The following CDK14 variants were observed in gnomAD, a reference collection of about 807,000 sequenced individuals.
CDK14 encodes the protein cyclin dependent kinase 14.
A neutral mutation model predicts 60.7 loss-of-function variants in CDK14; 34 were observed. That is an observed-to-expected ratio of 0.56 (90% confidence interval 0.43 to 0.75). CDK14 has a LOEUF of 0.75. Among genes scored for constraint, CDK14 ranks in the 30% least tolerant of loss-of-function variants. The pLI is 0.00. For missense variants in CDK14, 482 were observed against 564.1 expected (o/e 0.85, Z 1.47); for synonymous variants, 197 against 203.7 (o/e 0.97, Z 0.28).
intron 7 of CDK14, among the ~76,000 whole-genome samples, chr7:90,899,838 G>C (rs1792446092): frequency 1.3e-5 from 2 of 152,014 alleles, no homozygotes; most frequent in African/African-American, 4.8e-5. Flanking sequence ...TTACTACCGA[G>C]TATCAAAAGA....
At chr7:90,742,095 T>A (rs1803370833) in intron 3 of CDK14, among the ~76,000 whole-genome samples, 1 of 152,078 alleles carries the variant, frequency 6.6e-6, no homozygotes, top group Non-Finnish European at 1.5e-5. Flanking sequence ...ATACTTGGCC[T>A]TTTGTTTAAT....
At chr7:90,669,575 CAA>C (rs1491037739) in intron 2 of CDK14, among the ~76,000 whole-genome samples, 1 of 95,658 alleles carries the variant, frequency 1.0e-5, no homozygotes, top group African/African-American at 4.0e-5. Flanking sequence ...TTTATAGAAC[CAA>C]CATGAAGAAA....
At chr7:91,115,364 A>T (rs897180283) in intron 13 of CDK14, among the ~76,000 whole-genome samples, 1 of 152,168 alleles carries the variant, frequency 6.6e-6, no homozygotes, top group Non-Finnish European at 1.5e-5. Context: ...GTGTCTTCAC[A>T]GGGTGGAGAG....
intron 4 of CDK14, among the ~76,000 whole-genome samples, chr7:90,783,601 T>C (rs1584888738): frequency 6.6e-6 from 1 of 152,016 alleles, no homozygotes; most frequent in Admixed American, 6.5e-5. Flanking sequence ...AAAGATCGAT[T>C]AAAAAATGGG....
At chr7:90,983,409 G>A (rs140465354) in intron 9 of CDK14, among the ~76,000 whole-genome samples, 2,025 of 152,242 alleles carry the variant, frequency 0.013, 21 homozygotes, top group Non-Finnish European at 0.018. Context: ...GCCATGTGCG[G>A]TGGCTCATGC....
At chr7:90,837,045 C>T (rs376752857) in intron 5 of CDK14, among the ~76,000 whole-genome samples, 3 of 152,092 alleles carry the variant, frequency 2.0e-5, no homozygotes, top group Non-Finnish European at 4.4e-5. Context: ...ATCATAAAAG[C>T]ATGCAAATAA....
At chr7:90,840,983 T>A (rs1790270182) in intron 5 of CDK14, among the ~76,000 whole-genome samples, 1 of 152,156 alleles carries the variant, frequency 6.6e-6, no homozygotes, top group Non-Finnish European at 1.5e-5. Flanking sequence ...CACATACAGG[T>A]ACATATATGG....
intron 9 of CDK14, among the ~76,000 whole-genome samples, chr7:90,980,503 G>T (rs545188578): frequency 6.6e-6 from 1 of 152,216 alleles, no homozygotes; most frequent in East Asian, 1.9e-4. Context: ...AGAAAGAGGT[G>T]GGGGGAAAGC....
intron 11 of CDK14, among the ~76,000 whole-genome samples, chr7:91,074,965 C>A (rs911541661): frequency 1.3e-5 from 2 of 152,136 alleles, no homozygotes; most frequent in African/African-American, 4.8e-5. Context: ...TCTGAATAGA[C>A]CAATAACAAG....
At chr7:90,698,504 A>G (rs886141907) in intron 2 of CDK14, among the ~76,000 whole-genome samples, 1 of 152,208 alleles carries the variant, frequency 6.6e-6, no homozygotes, top group Non-Finnish European at 1.5e-5. Context: ...ACCAAATTTT[A>G]ATAAGAAAAC....
intron 8 of CDK14, among the ~76,000 whole-genome samples, chr7:90,948,584 A>G: frequency 6.6e-6 from 1 of 152,254 alleles, no homozygotes; most frequent in East Asian, 1.9e-4. Context: ...ACTAAATATC[A>G]TAGCCTATGG....
At chr7:91,057,299 A>G (rs1004931620) in intron 11 of CDK14, among the ~76,000 whole-genome samples, 4 of 152,052 alleles carry the variant, frequency 2.6e-5, no homozygotes, top group African/African-American at 9.7e-5. Context: ...TAGATTCTGG[A>G]TATTAGCCCT....
rs576472130 is a variant in CDK14, at chr7:91,021,376, A to G, written c.1042-24521A>G. On this transcript the variant is annotated intron_variant, in intron 10 of 14. Coordinates refer to ENST00000380050, the MANE Select transcript of CDK14 (RefSeq NM_001287135.2). The stretch of plus-strand genomic sequence containing the variant: ...GATAGGATGGCTTTGAGGATTAAAG[A>G]ATTATTAGTTAGAAGTAAAGCACTT... Among the ~76,000 whole-genome samples the G allele has an allele frequency of 3.9e-5, 6 of 152,336 alleles. 1 individual carries two copies. The South Asian group carries it at 1.0e-3, about 26-fold the overall frequency.
rs189806728 is a variant in CDK14 at position 90,610,436 on chromosome 7, C to A, written c.123+6187C>A. 4.1e-3 allele frequency among the ~76,000 whole-genome samples: 618 copies of A among 152,284 alleles called. 5 individuals are homozygous for A. Among genetic ancestry groups the A allele is most frequent in the Middle Eastern group, 0.014 (4 of 294 alleles). On this transcript the variant is annotated intron_variant, in intron 2 of 14. Transcript: ENST00000380050. ...CCTGTTTCCTGCTGAACTCTTTTCA[C>A]TCCCCCTAAGCCTTCTTGCGACCCT...
chr7:91,114,574 A>C (rs1286015641), intron 13 of CDK14, among the ~76,000 whole-genome samples: 1 of 152,228 alleles, frequency 6.6e-6, no homozygotes, highest in Non-Finnish European at 1.5e-5. Context: ...CCGTAAGGCG[A>C]TATTCATTGG....
chr7:91,174,221 T>C (rs1468929324), intron 14 of CDK14, among the ~76,000 whole-genome samples: 134 of 151,898 alleles, frequency 8.8e-4, no homozygotes, highest in African/African-American at 1.1e-3. Flanking sequence ...CGGCAGGGTA[T>C]TCCAACAGAC....
chr7:91,188,236 G>A (rs985865470), intron 14 of CDK14, among the ~76,000 whole-genome samples: 1 of 151,980 alleles, frequency 6.6e-6, no homozygotes, highest in Non-Finnish European at 1.5e-5. Flanking sequence ...GTAATTAAAT[G>A]AAGATTTTTA....
intron 14 of CDK14, among the ~76,000 whole-genome samples, chr7:91,181,797 C>T (rs1802011280): frequency 6.6e-6 from 1 of 152,118 alleles, no homozygotes; most frequent in African/African-American, 2.4e-5. Flanking sequence ...CTAAGAATTT[C>T]TAATAGCTTC....
chr7:90,717,988 A>T (rs1445376436), intron 2 of CDK14, among the ~76,000 whole-genome samples: 1 of 152,084 alleles, frequency 6.6e-6, no homozygotes, highest in East Asian at 1.9e-4. Context: ...ACAGTAGCTT[A>T]TATAAGAATA....
Sources: gnomAD v4.1 joint callset for allele counts (sites outside exome capture counted in the v4.1 genomes callset) on GRCh38, gnomAD v4.1.1 for gene constraint, MANE v1.5 for transcripts, NCBI Gene and HGNC (gene_info 2026-07-23, HGNC 2026-07-21) for gene names.